CHD5: variants seen among roughly 807,000 people sequenced by gnomAD.
The protein encoded by CHD5 is ATP-dependent chromatin remodeler CHD5.
Under a neutral mutation model 230.3 loss-of-function variants are expected in CHD5, and 69 were observed. The ratio of observed to expected loss-of-function variants is 0.30; its 90% CI spans 0.25 to 0.37. The LOEUF (loss-of-function observed/expected upper bound fraction) is 0.37. CHD5 is among the 10% of genes least tolerant of loss of function. CHD5 has a pLI of 1.00. For synonymous variants in CHD5, 1,064 were observed against 1,065.9 expected (o/e 1.00, Z 0.03); for missense variants, 1,827 against 2,622.8 (o/e 0.70, Z 6.63).
Position 6,121,275 on chromosome 1 carries a change from G to A in CHD5, c.4780-38C>T. The A allele has an allele frequency of 6.3e-7, 1 of 1,591,304 alleles. No homozygotes were observed. Among genetic ancestry groups the A allele is most frequent in the East Asian group, 2.2e-5 (1 of 44,714 alleles). On this transcript the variant is annotated intron_variant, in intron 32 of 41. Transcript: ENST00000262450. This position sits in a 1 kb window ranked among gnomAD's most constrained non-coding sequence, Gnocchi z 4.5. ...AGCCAGGAGAACTACAAGGCCTGGG[G>A]CCTCACCAGGAACGGAGGGCGGGGA... is the stretch of plus-strand genomic sequence containing the variant.
At chr1:6,171,800 G>A (rs1571174626) in intron 1 of CHD5, among the ~76,000 whole-genome samples, 3 of 152,346 alleles carry the variant, frequency 2.0e-5, no homozygotes, top group East Asian at 3.9e-4. Flanking sequence ...CCCGGGTGAG[G>A]GGCTCCAGGG....
At chr1:6,132,880 T>TTCTCTCTCTCTCTCTCTCTCTCTCTC (rs111561200) in intron 20 of CHD5, among the ~76,000 whole-genome samples, 16 of 144,526 alleles carry the variant, frequency 1.1e-4, no homozygotes, top group African/African-American at 4.1e-4. Context: ...TCCTATTCTT[T>TTCTCTCTCTCTCTCTCTCTCTCTCTC]TCTCTCTCTC....
At chr1:6,153,729 G>A (rs770775880) in intron 5 of CHD5, among the ~76,000 whole-genome samples, 14 of 152,184 alleles carry the variant, frequency 9.2e-5, no homozygotes, top group Non-Finnish European at 1.8e-4. Context: ...TACTCAGGAG[G>A]CTGAGGCAGG....
At position 6,130,405 on chromosome 1, in the gene CHD5, C is replaced by T; in HGVS notation, c.3263-77G>A. On this transcript the variant is annotated intron_variant, in intron 21 of 41. Transcript: ENST00000262450. The surrounding 1 kb of genome is among the most constrained non-coding windows in gnomAD (Gnocchi z 4.9). ...TGGGCAGAAAGGATGGGGGAGAGAA[C>T]AGAGAGAAGGAACTGCAGCAACAGA... The T allele has an allele frequency of 7.4e-7, 1 of 1,352,458 alleles. No homozygotes were observed. 83.8% of individuals were successfully genotyped at this position (1,352,458 alleles called of 1,614,324 possible).
intron 3 of CHD5, among the ~76,000 whole-genome samples, chr1:6,156,023 G>A (rs2100869878): frequency 6.6e-6 from 1 of 152,346 alleles, no homozygotes; most frequent in East Asian, 1.9e-4. Context: ...AATCAGCCAG[G>A]TGTGGGCAAG....
At position 6,135,410 on chromosome 1, in the gene CHD5, CA is replaced by C; in HGVS notation, c.2697-8del. On this transcript the variant is annotated splice_region_variant and splice_polypyrimidine_tract_variant and intron_variant, in intron 17 of 41. Transcript: ENST00000262450. ...CAGGAAGCCCTCCAGGTTGCTGCAA[CA>C]AAAAGCTGGGATAACAGCCAGGAGC... is the stretch of plus-strand genomic sequence containing the variant. 6.3e-7 allele frequency: 1 copy of C among 1,595,728 alleles called. No homozygotes were observed. Among genetic ancestry groups the C allele is most frequent in the Non-Finnish European group, 8.5e-7 (1 of 1,169,754 alleles).
In CHD5 at chr1:6,110,011, C is replaced by T. The variant is rs772897969; in HGVS notation, c.5383-21G>A. The T allele has an allele frequency of 7.3e-6, 11 of 1,502,910 alleles. No homozygotes were observed. The African/African-American group carries it at 8.4e-5, about 12-fold the overall frequency. The allele number at this position is 1,502,910 out of a possible 1,614,324, so 93.1% of individuals were successfully genotyped here. The stretch of plus-strand genomic sequence containing the variant: ...AGCAGCTGGGGGCGGGGCGCAGCGT[C>T]GGCCCGGCCCCTCCCGCTGAATGGC... On this transcript the variant is annotated intron_variant, in intron 37 of 41. Transcript: ENST00000262450.
intron 33 of CHD5, 175 bp from the exon 34 acceptor site, chr1:6,113,173 C>A (rs1571139710): frequency 8.4e-6 from 5 of 598,764 alleles, no homozygotes; most frequent in Non-Finnish European, 1.5e-5. Context: ...GCTGTAATCC[C>A]AGTATTTTGG....
At chr1:6,149,177 A>C in intron 8 of CHD5, 69 bp downstream of exon 8, 1 of 1,480,430 alleles carries the variant, frequency 6.8e-7, no homozygotes, top group Non-Finnish European at 9.0e-7. Context: ...TCTGCCCCCA[A>C]ATGAGGGCAC....
intron 33 of CHD5, chr1:6,113,416 G>A (rs77112212): frequency 0.01 from 3,569 of 341,922 alleles, 115 homozygotes; most frequent in African/African-American, 0.071. Flanking sequence ...AGAGCAAGAC[G>A]CTGTTTCAAA....
intron 29 of CHD5, 120 bp from the exon 30 acceptor site, chr1:6,124,781 G>T: frequency 1.4e-6 from 1 of 733,274 alleles, no homozygotes; most frequent in African/African-American, 1.8e-5. Context: ...CCACCTCCTA[G>T]TCAGGCCTGG....
intron 1 of CHD5, among the ~76,000 whole-genome samples, chr1:6,174,204 G>T (rs2100887984): frequency 6.6e-6 from 1 of 152,220 alleles, no homozygotes; most frequent in South Asian, 2.1e-4. Context: ...GACCTCAGGG[G>T]AGACGAAAAC....
At chr1:6,152,103 T>C (rs72632547) in intron 6 of CHD5, among the ~76,000 whole-genome samples, 85 of 149,426 alleles carry the variant, frequency 5.7e-4, no homozygotes, top group Non-Finnish European at 9.3e-4. Flanking sequence ...CCAAATGGAG[T>C]TGCAGCTGTG....
At chr1:6,164,261 A>C (rs1050555528) in intron 2 of CHD5, among the ~76,000 whole-genome samples, 1 of 152,226 alleles carries the variant, frequency 6.6e-6, no homozygotes, top group Non-Finnish European at 1.5e-5. Context: ...AGAGTGGGTC[A>C]TTCTCCATTT....
intron 15 of CHD5, among the ~76,000 whole-genome samples, chr1:6,138,165 T>C (rs751867730): frequency 2.6e-5 from 4 of 152,126 alleles, no homozygotes; most frequent in Non-Finnish European, 4.4e-5. Context: ...CACTTGAGGC[T>C]AGGAGTTGGA....
At chr1:6,137,767 T>C (rs1478076691) in intron 15 of CHD5, among the ~76,000 whole-genome samples, 3 of 152,250 alleles carry the variant, frequency 2.0e-5, no homozygotes, top group African/African-American at 7.2e-5. Flanking sequence ...CTGAGGTTGC[T>C]GATGTGAAAT....
At chr1:6,150,475 CGG>C (rs1557554891) in intron 7 of CHD5, among the ~76,000 whole-genome samples, 6 of 84,410 alleles carry the variant, frequency 7.1e-5, no homozygotes, top group Non-Finnish European at 1.2e-4. Flanking sequence ...GACGGACGGA[CGG>C]ACGGACGGAT....
At position 6,129,937 on chromosome 1, in the gene CHD5, T is replaced by C. The variant is rs748077364; in HGVS notation, c.3387+267A>G. ...TGGGAAAGACCAGATCAGTGGCCAC[T>C]AGGAACTGCTGTGCGCCCTGGGACA... is the stretch of plus-strand genomic sequence containing the variant. On this transcript the variant is annotated intron_variant, in intron 22 of 41. Transcript: ENST00000262450. This position sits in a 1 kb window ranked among gnomAD's most constrained non-coding sequence, Gnocchi z 6.8. Among the ~76,000 whole-genome samples the C allele has an allele frequency of 2.8e-4, 43 of 152,108 alleles. 1 individual carries two copies. The highest frequency in any genetic ancestry group is 5.7e-4 in the Non-Finnish European group (39 of 68,012).
In CHD5 at chr1:6,115,299, C is replaced by A. The variant is rs144347840; in HGVS notation, c.4913-2301G>T. ...CACACAATCATTAACATTTTAATTG[C>A]AGAATTTAATTGCAGAATTCCAACA... On this transcript the variant is annotated intron_variant, in intron 33 of 41. Transcript: ENST00000262450. Among the ~76,000 whole-genome samples, 718 of 151,892 alleles carry A rather than the reference C, an allele frequency of 4.7e-3. 9 individuals carry two copies. The highest frequency in any genetic ancestry group is 0.017 in the African/African-American group (685 of 41,416).
Sources: gnomAD v4.1 joint callset for allele counts (sites outside exome capture counted in the v4.1 genomes callset) on GRCh38, gnomAD v4.1.1 for gene constraint, Gnocchi (gnomAD v3.1) non-coding constraint, MANE v1.5 for transcripts, NCBI Gene and HGNC (gene_info 2026-07-23, HGNC 2026-07-21) for gene names.